Variants in NDFIP2 observed in about 807,000 individuals in gnomAD.
The protein encoded by NDFIP2 is NEDD4 family-interacting protein 2.
Under a neutral mutation model 36.0 loss-of-function variants are expected in NDFIP2, and 19 were observed. That is an observed-to-expected ratio of 0.53 (90% CI 0.37 to 0.77). The LOEUF (loss-of-function observed/expected upper bound fraction) is 0.77, where lower values mean the gene tolerates loss of function less well. NDFIP2 is among the 30% of genes least tolerant of loss of function. The pLI, the probability that NDFIP2 is intolerant of heterozygous loss-of-function variation, is 0.00. For synonymous variants in NDFIP2, 181 were observed against 167.7 expected, an observed-to-expected ratio of 1.08 and a Z score of -0.61; for missense variants, 446 against 435.8, an observed-to-expected ratio of 1.02 and a Z score of -0.21.
chr13:79,518,560 T>A (rs977696451), intron 1 of NDFIP2, among the ~76,000 whole-genome samples: 1 of 152,224 alleles, frequency 6.6e-6, no homozygotes, highest in Non-Finnish European at 1.5e-5. Flanking sequence ...TGTTAGAGAG[T>A]ACCACATAAT....
intron 5 of NDFIP2, 151 bp from the exon 6 acceptor site, chr13:79,548,177 G>C (rs1317748959): frequency 3.1e-6 from 2 of 638,788 alleles, no homozygotes; most frequent in African/African-American, 3.8e-5. Flanking sequence ...TGTGTATGCT[G>C]TGTATGCCAT....
chr13:79,481,202 G>GGATGGCACGCCGGCGGAGCC lies in NDFIP2; in HGVS notation c.-1_19dup, dbSNP rs1202383157. The GGATGGCACGCCGGCGGAGCC allele has an allele frequency of 1.1e-5, 17 of 1,503,614 alleles. No homozygotes were observed. The African/African-American group carries it at 1.8e-4, about 16-fold the overall frequency. The allele number at this position is 1,503,614 out of a possible 1,614,324, so 93.1% of individuals were successfully genotyped here. ...AGCTATACCCTCCCACTGGCGGCGC[G>GGATGGCACGCCGGCGGAGCC]GATGGCACGCCGGCGGAGCCAGCGA... On this transcript the variant is annotated 5_prime_UTR_variant, in exon 1 of 8. It adds an upstream start codon to the 5' untranslated region. Coordinates refer to ENST00000218652, the MANE Select transcript of NDFIP2 (RefSeq NM_019080.3).
rs1472901711 is a variant in NDFIP2, at chr13:79,541,410, ATATATT to A, written c.715+1644_715+1649del. ...ATATTAGTTAATATAATGTAAATGT[ATATATT>A]TATATTTAATAGATTTAATATATAT... On this transcript the variant is annotated intron_variant, in intron 4 of 7. Transcript: ENST00000218652. Among the ~76,000 whole-genome samples the A allele has an allele frequency of 4.7e-4, 71 of 150,942 alleles. 1 individual carries two copies. The highest frequency in any genetic ancestry group is 1.7e-3 in the African/African-American group (71 of 41,286).
intron 3 of NDFIP2, among the ~76,000 whole-genome samples, chr13:79,537,047 T>TC (rs893469159): frequency 7.6e-6 from 1 of 131,420 alleles, no homozygotes; most frequent in Non-Finnish European, 1.8e-5. Context: ...GATCTTGTCT[T>TC]AATTTTTTTT....
chr13:79,548,077 G>C (rs1875755891), intron 5 of NDFIP2, among the ~76,000 whole-genome samples: 1 of 151,986 alleles, frequency 6.6e-6, no homozygotes, highest in African/African-American at 2.4e-5. Context: ...GTTTCTTGCG[G>C]GGAGTTTGAA....
In NDFIP2 at chr13:79,553,868, T is replaced by C. The variant is rs1208226959; in HGVS notation, c.*1355T>C. 6.6e-6 allele frequency: 1 copy of C among 152,084 alleles called. No individual in the cohort carries two copies. The highest frequency in any genetic ancestry group is 1.5e-5 in the Non-Finnish European group (1 of 67,594). 9.4% of individuals were successfully genotyped at this position (152,084 alleles called of 1,614,324 possible). A position where few individuals can be genotyped will look rare whatever the true frequency, so the allele number is the denominator to read the frequency against. On this transcript the variant is annotated 3_prime_UTR_variant, in exon 8 of 8. Coordinates refer to ENST00000218652, the MANE Select transcript of NDFIP2 (RefSeq NM_019080.3). ...TGAATACCAACATTTAAAATGATGG[T>C]ATTTTATCTTTTAAACTTAAAAATT...
Position 79,481,283 on chromosome 13 carries a change from T to G in NDFIP2, c.80T>G (p.Leu27Arg), listed in dbSNP as rs575159219. Reference protein sequence around the residue: ...LNSARGAPELLRGTATNAEVS... With the variant: ...LNSARGAPELRRGTATNAEVS... ...AGCGCGCGCGGCGCCCCGGAGCTTC[T>G]CCGCGGAACCGCGACCAACGCGGAG... is the stretch of plus-strand genomic sequence containing the variant. The change falls in exon 1 of 8, where the codon CTC becomes CGC. Residue 27 changes from leucine (L) to arginine (R), a missense_variant. Leu to Arg is a moderately radical substitution (Grantham distance 102). Coordinates refer to ENST00000218652, the MANE Select transcript of NDFIP2 (RefSeq NM_019080.3). 23 of 1,538,250 alleles carry G rather than the reference T, an allele frequency of 1.5e-5. No individual in the cohort carries two copies. In the African/African-American group the frequency reaches 2.6e-4, roughly 17 times the overall value.
intron 1 of NDFIP2, among the ~76,000 whole-genome samples, chr13:79,508,301 A>G (rs919973897): frequency 1.3e-5 from 2 of 152,128 alleles, no homozygotes; most frequent in African/African-American, 4.8e-5. Context: ...TACCTTTACT[A>G]GTGTTACTGG....
intron 5 of NDFIP2, 81 bp downstream of exon 5, chr13:79,543,763 C>G (rs918834540): frequency 4.6e-6 from 7 of 1,519,984 alleles, no homozygotes; most frequent in African/African-American, 1.4e-5. Flanking sequence ...TAAATGGTCA[C>G]TTTATTTTCA....
chr13:79,527,492 T>G (rs1874846892), intron 2 of NDFIP2, among the ~76,000 whole-genome samples: 1 of 152,188 alleles, frequency 6.6e-6, no homozygotes, highest in Non-Finnish European at 1.5e-5. Flanking sequence ...CATAACAACA[T>G]TTTGGCCAGC....
chr13:79,534,177 T>C (rs1875132458), intron 3 of NDFIP2, among the ~76,000 whole-genome samples: 1 of 152,144 alleles, frequency 6.6e-6, no homozygotes, highest in Non-Finnish European at 1.5e-5. Context: ...CATGTACTTA[T>C]TTATCTTCTT....
intron 1 of NDFIP2, among the ~76,000 whole-genome samples, chr13:79,508,011 A>G (rs1873936411): frequency 6.6e-6 from 1 of 152,146 alleles, no homozygotes; most frequent in Admixed American, 6.5e-5. Flanking sequence ...ATTATGTGAA[A>G]ATGTATTTGT....
In NDFIP2 at chr13:79,529,335, A is replaced by AT. The variant is rs537385966; in HGVS notation, c.488-3978dup. 6.3e-3 allele frequency among the ~76,000 whole-genome samples: 944 copies of AT among 150,500 alleles called. 7 individuals are homozygous for AT. The highest frequency in any genetic ancestry group is 0.021 in the African/African-American group (851 of 41,066). On this transcript the variant is annotated intron_variant, in intron 2 of 7. Coordinates refer to ENST00000218652, the MANE Select transcript of NDFIP2 (RefSeq NM_019080.3). ...CAACTTTCATGTATTAGTGGTAGGG[A>AT]TTTTTTTTTTCTATCTTGAGTATTA...
intron 1 of NDFIP2, among the ~76,000 whole-genome samples, chr13:79,517,376 A>G (rs1360465971): frequency 6.6e-6 from 1 of 151,272 alleles, no homozygotes; most frequent in East Asian, 1.9e-4. Context: ...TGAATGTCAA[A>G]TAGAACCATT....
intron 1 of NDFIP2, among the ~76,000 whole-genome samples, chr13:79,502,001 G>T (rs1202733240): frequency 6.6e-6 from 1 of 152,094 alleles, no homozygotes; most frequent in African/African-American, 2.4e-5. Flanking sequence ...AGAAGTTTTA[G>T]TGATTAATGA....
intron 4 of NDFIP2, 97 bp downstream of exon 4, chr13:79,539,872 A>T (rs1393735903): frequency 3.3e-6 from 3 of 918,568 alleles, no homozygotes; most frequent in Non-Finnish European, 5.2e-6. Context: ...TTGTTAGCAT[A>T]TGTCTACCTT....
Position 79,481,218 on chromosome 13 carries a change from G to A in NDFIP2, c.15G>A (p.Arg5=), listed in dbSNP as rs1181025544. The A allele has an allele frequency of 5.9e-6, 9 of 1,513,704 alleles. No individual in the cohort carries two copies. Among genetic ancestry groups the A allele is most frequent in the South Asian group, 1.2e-5 (1 of 81,186 alleles). The allele number at this position is 1,513,704 out of a possible 1,614,324, so 93.8% of individuals were successfully genotyped here. Residue 5 remains arginine (R), a synonymous_variant, in exon 1 of 8, where the codon CGG becomes CGA. Coordinates refer to ENST00000218652, the MANE Select transcript of NDFIP2 (RefSeq NM_019080.3). ...TGGCGGCGCGGATGGCACGCCGGCG[G>A]AGCCAGCGAGTCTGCGCGAGCGGTC... The part of the protein sequence containing the change: MARR[R]SQRVCASGPS...
intron 1 of NDFIP2, among the ~76,000 whole-genome samples, chr13:79,498,360 A>G (rs1873528984): frequency 6.6e-6 from 1 of 151,972 alleles, no homozygotes; most frequent in Admixed American, 6.6e-5. Context: ...TATAATGATC[A>G]TTATAACTTG....
chr13:79,499,618 T>C (rs1475547537), intron 1 of NDFIP2, among the ~76,000 whole-genome samples: 2 of 151,934 alleles, frequency 1.3e-5, no homozygotes, highest in Non-Finnish European at 2.9e-5. Flanking sequence ...ATTAAAAACA[T>C]AATACTGTTA....
Sources: allele counts gnomAD v4.1 joint callset (sites outside exome capture counted in the v4.1 genomes callset), GRCh38; gene constraint gnomAD v4.1.1; transcripts MANE v1.5; gene names NCBI Gene and HGNC (gene_info 2026-07-23, HGNC 2026-07-21).